Variants in LUZP2 observed in about 807,000 individuals in gnomAD.
The protein encoded by LUZP2 is leucine zipper protein 2.
In LUZP2, 52 loss-of-function variants were observed where a neutral mutation model predicts 51.6. That is an observed-to-expected ratio of 1.01 (90% CI 0.81 to 1.27). The LOEUF (loss-of-function observed/expected upper bound fraction) is 1.27, where lower values mean the gene tolerates loss of function less well. Ranked by LOEUF, LUZP2 falls within the 50% of genes most tolerant of loss-of-function variation. The pLI is 0.00. For missense variants in LUZP2, 436 were observed against 395.4 expected, an observed-to-expected ratio of 1.10 and a Z score of -0.87; for synonymous variants, 154 against 137.3, an observed-to-expected ratio of 1.12 and a Z score of -0.85.
rs1209500084 is a variant in LUZP2, at chr11:24,984,524, T to TTATATATATATATATATA, written c.765+1240_765+1257dup. Among the ~76,000 whole-genome samples the TTATATATATATATATATA allele has an allele frequency of 3.0e-4, 27 of 90,048 alleles. 1 individual carries two copies. The East Asian group carries it at 3.4e-3, about 11-fold the overall frequency. 59.1% of individuals were successfully genotyped at this position (90,048 alleles called of 152,430 possible). ...TGTTTTTATATGTAAATTACATATT[T>TTATATATATATATATATA]TATATATATATATATATATATATAT... On this transcript the variant is annotated intron_variant, in intron 9 of 11. Transcript: ENST00000336930.
intron 1 of LUZP2, among the ~76,000 whole-genome samples, chr11:24,605,568 T>A (rs1346200321): frequency 1.3e-5 from 2 of 151,824 alleles, no homozygotes; most frequent in Non-Finnish European, 3.0e-5. Flanking sequence ...ATAATTATTT[T>A]ATTGAATGGA....
chr11:24,963,632 G>T (rs186795125), intron 7 of LUZP2, among the ~76,000 whole-genome samples: 46 of 152,268 alleles, frequency 3.0e-4, no homozygotes, highest in African/African-American at 1.1e-3. Flanking sequence ...CGCAGTATTC[G>T]GGTGGGAGTG....
chr11:24,883,151 G>A (rs1245179953), intron 5 of LUZP2, among the ~76,000 whole-genome samples: 1 of 151,626 alleles, frequency 6.6e-6, no homozygotes, highest in Non-Finnish European at 1.5e-5. Flanking sequence ...ATTTAACAAT[G>A]AGGTCATTAT....
intron 8 of LUZP2, 46 bp downstream of exon 8, chr11:24,976,711 A>T: frequency 3.1e-6 from 1 of 321,734 alleles, no homozygotes; most frequent in Non-Finnish European, 5.1e-6. Flanking sequence ...TTTAGCAAAA[A>T]AAAAAAAAAA....
intron 10 of LUZP2, among the ~76,000 whole-genome samples, chr11:25,070,132 A>G (rs1859111466): frequency 6.6e-6 from 1 of 151,964 alleles, no homozygotes; most frequent in African/African-American, 2.4e-5. Context: ...ACTAAGAAAC[A>G]CAGAATTTTA....
At chr11:24,650,048 A>G (rs527262636) in intron 1 of LUZP2, among the ~76,000 whole-genome samples, 1 of 151,356 alleles carries the variant, frequency 6.6e-6, no homozygotes, top group Non-Finnish European at 1.5e-5. Flanking sequence ...TGATCATCCT[A>G]TATCTGTTCC....
In LUZP2 at chr11:25,023,828, G is replaced by A. The variant is rs1206242409; in HGVS notation, c.766-26210G>A. On this transcript the variant is annotated intron_variant, in intron 9 of 11. Transcript: ENST00000336930. ...AAATGTGTCCCAGAGATTCTGCTAT[G>A]TTGTGTCTTTGTTCTCATTGGTTAC... Among the ~76,000 whole-genome samples, 5 of 152,218 alleles carry A rather than the reference G, an allele frequency of 3.3e-5. 1 individual carries two copies. The highest frequency in any genetic ancestry group is 2.0e-4 in the Admixed American group (3 of 15,278).
chr11:24,959,365 T>C (rs1855321681), intron 7 of LUZP2, among the ~76,000 whole-genome samples: 2 of 152,210 alleles, frequency 1.3e-5, no homozygotes, highest in South Asian at 2.1e-4. Context: ...ATTTTCATGA[T>C]ATTGATACTT....
chr11:24,729,158 T>G lies in LUZP2; in HGVS notation c.63-11T>G. ...TTTGGGGGGCTCTCATGCCTGTTCTTTCTGTGTTAGACAGGACTATGAAGA... is the reference window on the plus strand; with the variant it reads ...TTTGGGGGGCTCTCATGCCTGTTCTGTCTGTGTTAGACAGGACTATGAAGA... On this transcript the variant is annotated splice_polypyrimidine_tract_variant and intron_variant, in intron 1 of 11. Coordinates refer to ENST00000336930, the MANE Select transcript of LUZP2 (RefSeq NM_001009909.4). 6.9e-7 allele frequency: 1 copy of G among 1,448,004 alleles called. No homozygotes were observed. Among genetic ancestry groups the G allele is most frequent in the Non-Finnish European group, 9.3e-7 (1 of 1,073,002 alleles). The allele number at this position is 1,448,004 out of a possible 1,614,324, so 89.7% of individuals were successfully genotyped here.
At chr11:24,771,595 T>A (rs1860421139) in intron 5 of LUZP2, among the ~76,000 whole-genome samples, 1 of 151,480 alleles carries the variant, frequency 6.6e-6, no homozygotes, top group African/African-American at 2.4e-5. Flanking sequence ...TACTAATGAA[T>A]TACATGAATT....
At chr11:24,779,730 C>G (rs1849033882) in intron 5 of LUZP2, among the ~76,000 whole-genome samples, 1 of 152,114 alleles carries the variant, frequency 6.6e-6, no homozygotes, top group African/African-American at 2.4e-5. Context: ...ATATGTGATA[C>G]AGTTAGGGAT....
chr11:24,779,802 T>C (rs1234661984), intron 5 of LUZP2, among the ~76,000 whole-genome samples: 1 of 152,128 alleles, frequency 6.6e-6, no homozygotes, highest in Non-Finnish European at 1.5e-5. Flanking sequence ...CACAACTGTC[T>C]TTATAAGAGA....
chr11:24,880,609 C>A (rs1341299135), intron 5 of LUZP2, among the ~76,000 whole-genome samples: 1 of 152,078 alleles, frequency 6.6e-6, no homozygotes, highest in Non-Finnish European at 1.5e-5. Flanking sequence ...GATTCACTGG[C>A]TTACAGGAAG....
intron 5 of LUZP2, among the ~76,000 whole-genome samples, chr11:24,767,922 G>T (rs1860254970): frequency 6.6e-6 from 1 of 151,920 alleles, no homozygotes; most frequent in Admixed American, 6.6e-5. Context: ...TCAAAGGTCA[G>T]AATTTATTCT....
chr11:24,705,271 G>A (rs1857543395), intron 1 of LUZP2, among the ~76,000 whole-genome samples: 1 of 152,044 alleles, frequency 6.6e-6, no homozygotes, highest in Non-Finnish European at 1.5e-5. Context: ...GAAGTGAAAA[G>A]AGAAAAATAG....
chr11:24,774,381 T>TATATATATACACAC (rs1184772523), intron 5 of LUZP2, among the ~76,000 whole-genome samples: 1 of 93,976 alleles, frequency 1.1e-5, no homozygotes, highest in Admixed American at 1.2e-4. Context: ...TATATATATA[T>TATATATATACACAC]ACATACACAC....
chr11:24,785,582 C>A (rs1849222307), intron 5 of LUZP2, among the ~76,000 whole-genome samples: 1 of 151,722 alleles, frequency 6.6e-6, no homozygotes, highest in South Asian at 2.1e-4. Context: ...AAGAGTATGA[C>A]ATTTCATTAG....
chr11:24,807,543 C>A (rs142440886), intron 5 of LUZP2, among the ~76,000 whole-genome samples: 290 of 151,570 alleles, frequency 1.9e-3, no homozygotes, highest in African/African-American at 6.9e-3. Context: ...AAATAAAGAC[C>A]CAGGGAAAGC....
At chr11:24,833,141 G>A (rs1026668486) in intron 5 of LUZP2, among the ~76,000 whole-genome samples, 1 of 152,086 alleles carries the variant, frequency 6.6e-6, no homozygotes, top group Non-Finnish European at 1.5e-5. Flanking sequence ...TGAATGCAAT[G>A]GCATAGAATA....
Sources: allele counts gnomAD v4.1 joint callset (sites outside exome capture counted in the v4.1 genomes callset), GRCh38; gene constraint gnomAD v4.1.1; transcripts MANE v1.5; gene names NCBI Gene and HGNC (gene_info 2026-07-23, HGNC 2026-07-21).